The following LGR4 variants were observed in gnomAD, a reference collection of about 807,000 sequenced individuals.
LGR4 encodes the protein leucine rich repeat containing G protein-coupled receptor 4.
LGR4 carries 44 observed loss-of-function variants against 84.8 expected under a neutral mutation model. The observed-to-expected ratio is 0.52, with a 90% CI of 0.41 to 0.67. The LOEUF is 0.67. LGR4 is among the 30% of genes least tolerant of loss of function. LGR4 has a pLI of 0.00. For missense variants in LGR4, 1,032 were observed against 1,131.4 expected (o/e 0.91, Z 1.26); for synonymous variants, 429 against 434.3 (o/e 0.99, Z 0.15).
At chr11:27,448,750 G>C (rs577788851) in intron 1 of LGR4, among the ~76,000 whole-genome samples, 1 of 152,062 alleles carries the variant, frequency 6.6e-6, no homozygotes, top group South Asian at 2.1e-4. Context: ...ATATCAGGTA[G>C]GTTTACTGTA....
In LGR4 at chr11:27,371,699, C is replaced by G. The variant is rs1862886541; in HGVS notation, c.1496-1G>C. On this transcript the variant is annotated splice_acceptor_variant, in intron 16 of 17. Transcript: ENST00000379214. LOFTEE classifies it high-confidence loss of function. ...GTGACATTTGCTGCATCAGCAGTAC[C>G]TGAACATATAACACAAAGCATGTTT... The G allele has an allele frequency of 6.2e-7, 1 of 1,602,566 alleles. No homozygotes were observed. The highest frequency in any genetic ancestry group is 8.5e-7 in the Non-Finnish European group (1 of 1,171,058).
chr11:27,464,087 A>G (rs971910084), intron 1 of LGR4, among the ~76,000 whole-genome samples: 3 of 152,232 alleles, frequency 2.0e-5, no homozygotes, highest in African/African-American at 7.2e-5. Context: ...CCTACTACAG[A>G]AAAGAGTTGA....
chr11:27,441,921 G>A (rs1225538903), intron 1 of LGR4, among the ~76,000 whole-genome samples: 1 of 152,206 alleles, frequency 6.6e-6, no homozygotes, highest in Non-Finnish European at 1.5e-5. Context: ...CAAGCCAGTA[G>A]ATGACAGTAT....
In LGR4 at chr11:27,472,163, C is replaced by A; in HGVS notation, c.140G>T (p.Gly47Val). ...GDRRVDCSGK[G>V]LTAVPEGLSA... Reference sequence around the variant, plus strand: ...GAGCCCCTCGGGCACGGCCGTCAGCCCCTTCCCGGAGCAGTCCACCCGACG... The same window carrying A: ...GAGCCCCTCGGGCACGGCCGTCAGCACCTTCCCGGAGCAGTCCACCCGACG... Residue 47 changes from glycine to valine, a missense_variant, in exon 1 of 18, where the codon GGG (glycine) becomes GTG (valine). Gly to Val is a moderately radical substitution (Grantham distance 109). Transcript: ENST00000379214. The A allele has an allele frequency of 7.0e-7, 1 of 1,422,566 alleles. No homozygotes were observed. The highest frequency in any genetic ancestry group is 3.2e-5 in the East Asian group (1 of 31,666). The allele number at this position is 1,422,566 out of a possible 1,614,324, so 88.1% of individuals were successfully genotyped here. A position where few individuals can be genotyped will look rare whatever the true frequency, so the allele number is the denominator to read the frequency against.
At chr11:27,371,549 C>T (rs1862882855) in intron 17 of LGR4, 66 bp downstream of exon 17, 7 of 1,073,404 alleles carry the variant, frequency 6.5e-6, no homozygotes, top group Non-Finnish European at 1.0e-5. Flanking sequence ...ATACCCAGGA[C>T]ATTTAGATAT....
chr11:27,422,354 C>T lies in LGR4; in HGVS notation c.186-9494G>A, dbSNP rs185725377. Among the ~76,000 whole-genome samples, 8 of 152,284 alleles carry T rather than the reference C, an allele frequency of 5.3e-5. No homozygotes were observed. The South Asian group carries it at 1.2e-3, about 24-fold the overall frequency. ...CACCGTCCTTGCCTTCAAACATGCACGCCCACGAAAACTTCTGTTTAGACG... is the reference window on the plus strand; with the variant it reads ...CACCGTCCTTGCCTTCAAACATGCATGCCCACGAAAACTTCTGTTTAGACG... On this transcript the variant is annotated intron_variant, in intron 1 of 17. Transcript: ENST00000379214.
At chr11:27,420,496 G>C (rs1487957445) in intron 1 of LGR4, among the ~76,000 whole-genome samples, 1 of 152,080 alleles carries the variant, frequency 6.6e-6, no homozygotes, top group South Asian at 2.1e-4. Context: ...CTCAAAAAAG[G>C]CTTCCAACAC....
intron 17 of LGR4, among the ~76,000 whole-genome samples, chr11:27,369,894 A>G (rs1032296891): frequency 2.0e-5 from 3 of 152,194 alleles, no homozygotes; most frequent in African/African-American, 4.8e-5. Flanking sequence ...GCCATTCAGT[A>G]AGATAATATA....
chr11:27,472,298 G>A lies in LGR4; in HGVS notation c.5C>T (p.Pro2Leu). ...GAAGCAGAGCAGCCCTAGCGGGCCC[G>A]GCATTGCTGCGGCCGCCTCCCGCGC... MPGPLGLLCFLA... is the reference protein window; with the variant it reads MLGPLGLLCFLA... Residue 2 changes from proline to leucine, a missense_variant, in exon 1 of 18, where the codon CCG (proline) becomes CTG (leucine). Transcript: ENST00000379214. The A allele has an allele frequency of 8.3e-7, 1 of 1,203,928 alleles. No individual in the cohort carries two copies. The highest frequency in any genetic ancestry group is 1.0e-6 in the Non-Finnish European group (1 of 970,616). The allele number at this position is 1,203,928 out of a possible 1,614,324, so 74.6% of individuals were successfully genotyped here. A position where few individuals can be genotyped will look rare whatever the true frequency, so the allele number is the denominator to read the frequency against.
chr11:27,460,887 T>A (rs1173984854), intron 1 of LGR4, among the ~76,000 whole-genome samples: 1 of 151,604 alleles, frequency 6.6e-6, no homozygotes, highest in Admixed American at 6.6e-5. Flanking sequence ...GAAAAACATC[T>A]CAAACTTTTT....
chr11:27,412,986 C>G (rs1863739904), intron 1 of LGR4, 126 bp from the exon 2 acceptor site: 1 of 653,764 alleles, frequency 1.5e-6, no homozygotes, highest in Admixed American at 2.7e-5. Flanking sequence ...TAGAAACAGT[C>G]ACAATTTGGC....
At chr11:27,394,063 C>A (rs142733831) in intron 2 of LGR4, among the ~76,000 whole-genome samples, 205 of 151,728 alleles carry the variant, frequency 1.4e-3, no homozygotes, top group African/African-American at 4.7e-3. Flanking sequence ...GATTCTCAGG[C>A]GATACCACCA....
intron 1 of LGR4, among the ~76,000 whole-genome samples, chr11:27,413,429 T>A (rs1230980024): frequency 1.3e-5 from 2 of 152,122 alleles, no homozygotes; most frequent in East Asian, 3.9e-4. Context: ...CATTTCCAGT[T>A]TTCCCTTAAG....
chr11:27,469,301 G>A (rs930509046), intron 1 of LGR4, among the ~76,000 whole-genome samples: 5 of 152,170 alleles, frequency 3.3e-5, no homozygotes, highest in East Asian at 3.9e-4. Flanking sequence ...GCCTCAAGGA[G>A]AAGAAGCAGG....
At chr11:27,386,870 C>T (rs7935151) in intron 4 of LGR4, among the ~76,000 whole-genome samples, 85,081 of 152,034 alleles carry the variant, frequency 0.56, 25,021 homozygotes, top group East Asian at 0.87. Flanking sequence ...CATTTTTAGA[C>T]TTGTTTATTT....
intron 15 of LGR4, chr11:27,373,337 T>C (rs1590342544): frequency 2.4e-6 from 1 of 416,280 alleles, no homozygotes; most frequent in African/African-American, 2.0e-5. Flanking sequence ...TATTATCTCT[T>C]TGAGGCCATC....
intron 1 of LGR4, among the ~76,000 whole-genome samples, chr11:27,444,173 T>C (rs896988558): frequency 1.3e-5 from 2 of 152,192 alleles, no homozygotes; most frequent in Non-Finnish European, 2.9e-5. Context: ...TGAAACACTG[T>C]TAAAATTTTA....
In LGR4 at chr11:27,472,255, G is replaced by A. The variant is rs1242035586; in HGVS notation, c.48C>T (p.Leu16=). Residue 16 remains leucine, a synonymous_variant, in exon 1 of 18, where the codon CTC becomes CTT. Transcript: ENST00000379214. Reference sequence around the variant, plus strand: ...CCGCGCCGCTGGGCCCGGCCGAGCCGAGCAGCCCCAGGGCGAGGAAGCAGA... The same window carrying A: ...CCGCGCCGCTGGGCCCGGCCGAGCCAAGCAGCCCCAGGGCGAGGAAGCAGA... ...GLLCFLALGL[L]GSAGPSGAAP... 5.3e-6 allele frequency: 7 copies of A among 1,310,842 alleles called. No homozygotes were observed. The East Asian group carries it at 2.0e-4, about 37-fold the overall frequency. 81.2% of individuals were successfully genotyped at this position (1,310,842 alleles called of 1,614,324 possible).
intron 10 of LGR4, among the ~76,000 whole-genome samples, chr11:27,379,389 C>T (rs532321577): frequency 2.4e-4 from 36 of 152,264 alleles, no homozygotes; most frequent in Admixed American, 6.5e-4. Context: ...TTCATCTGGT[C>T]AGGTAGACTA....
Sources: gnomAD v4.1 joint callset for allele counts (sites outside exome capture counted in the v4.1 genomes callset) on GRCh38, gnomAD v4.1.1 for gene constraint, MANE v1.5 for transcripts, NCBI Gene and HGNC (gene_info 2026-07-23, HGNC 2026-07-21) for gene names.